PLCB4: variants seen among roughly 807,000 people sequenced by gnomAD.
PLCB4 encodes 1-phosphatidylinositol 4,5-bisphosphate phosphodiesterase beta-4.
A neutral mutation model predicts 178.8 loss-of-function variants in PLCB4; 77 were observed. The observed-to-expected ratio is 0.43, with a 90% confidence interval of 0.36 to 0.52. The LOEUF is 0.52. Among genes scored for constraint, PLCB4 ranks in the 20% least tolerant of loss-of-function variants. The pLI is 0.00. For missense variants in PLCB4, 1,024 were observed against 1,453.4 expected (o/e 0.70, Z 4.80); for synonymous variants, 496 against 490.8 (o/e 1.01, Z -0.14).
Position 9,423,790 on chromosome 20 carries a change from G to A in PLCB4, c.2362G>A (p.Asp788Asn). ...DLAVLRIAVY[D>N]DNNKLIGQRI... ...GGCTGTCTTGAGAATAGCTGTGTAT[G>A]ATGATAACAACAAGCTGATTGGCCA... The change falls in exon 28 of 40, where the codon GAT becomes AAT. Residue 788 changes from aspartate to asparagine, a missense_variant. Physicochemically the swap from Asp to Asn is conservative, Grantham distance 23. Around this residue, in one of 7 missense-constraint regions of PLCB4, gnomAD observed 227 missense variants for 374.3 expected, o/e 0.61. Coordinates refer to ENST00000378473, the MANE Select transcript of PLCB4 (RefSeq NM_001377142.1). 1 of 1,613,968 alleles carries A rather than the reference G, an allele frequency of 6.2e-7. No homozygotes were observed. Among genetic ancestry groups the A allele is most frequent in the African/African-American group, 1.3e-5 (1 of 75,038 alleles).
rs1255867715 is a variant in PLCB4 at position 9,367,621 on chromosome 20, T to C, written c.503+2107T>C. On this transcript the variant is annotated intron_variant, in intron 9 of 39. Transcript: ENST00000378473. ...AATGTAGGTTGGATGTGTTTTTACA[T>C]GCCTTACTATCCTGCTTTTTCTTCC... Among the ~76,000 whole-genome samples the C allele has an allele frequency of 2.0e-4, 31 of 152,214 alleles. 1 individual carries two copies. Among genetic ancestry groups the C allele is most frequent in the Admixed American group, 2.0e-3 (31 of 15,278 alleles).
At chr20:9,455,395 T>C (rs2042996432) in intron 33 of PLCB4, among the ~76,000 whole-genome samples, 1 of 152,238 alleles carries the variant, frequency 6.6e-6, no homozygotes, top group Non-Finnish European at 1.5e-5. Flanking sequence ...AGTTTTCTGA[T>C]TCAATCAATC....
intron 7 of PLCB4, among the ~76,000 whole-genome samples, chr20:9,349,191 A>G (rs2148144961): frequency 6.6e-6 from 1 of 152,292 alleles, no homozygotes; most frequent in South Asian, 2.1e-4. Context: ...ATTCAGTGCC[A>G]TTTAGTACAT....
At chr20:9,466,037 C>G (rs1363403069) in intron 35 of PLCB4, among the ~76,000 whole-genome samples, 2 of 152,158 alleles carry the variant, frequency 1.3e-5, no homozygotes, top group Non-Finnish European at 2.9e-5. Context: ...TTAAACTATA[C>G]TACAAGGCTA....
chr20:9,308,207 A>G lies in PLCB4; in HGVS notation c.84+309A>G, dbSNP rs545185671. On this transcript the variant is annotated intron_variant, in intron 4 of 39. Transcript: ENST00000378473. ...AGTTTACAGATGGGTTTTATATAGT[A>G]ACAGTTTTTGCTTAATGCAGTGCTT... Among the ~76,000 whole-genome samples the G allele has an allele frequency of 2.8e-4, 43 of 152,316 alleles. No homozygotes were observed. In the South Asian group the frequency reaches 8.7e-3, roughly 31 times the overall value.
At chr20:9,310,393 A>G (rs527476542) in intron 4 of PLCB4, among the ~76,000 whole-genome samples, 18 of 152,312 alleles carry the variant, frequency 1.2e-4, no homozygotes, top group African/African-American at 3.6e-4. Flanking sequence ...GCAGGTAAAC[A>G]TAAAATTGTA....
chr20:9,131,118 A>T (rs984746117), intron 2 of PLCB4, among the ~76,000 whole-genome samples: 1 of 152,080 alleles, frequency 6.6e-6, no homozygotes, highest in African/African-American at 2.4e-5. Context: ...TCTGGGCCAG[A>T]TCTGCTCTGT....
intron 1 of PLCB4, among the ~76,000 whole-genome samples, chr20:9,072,751 G>A (rs912123351): frequency 1.4e-4 from 22 of 152,284 alleles, no homozygotes; most frequent in African/African-American, 5.3e-4. Flanking sequence ...GTTTCTAGAG[G>A]AGATGAAAGT....
At chr20:9,406,944 G>GT (rs1164720323) in intron 21 of PLCB4, among the ~76,000 whole-genome samples, 5 of 152,122 alleles carry the variant, frequency 3.3e-5, no homozygotes, top group African/African-American at 1.2e-4. Flanking sequence ...TTTTATTGTT[G>GT]TTTTTTCTAT....
intron 2 of PLCB4, among the ~76,000 whole-genome samples, chr20:9,133,459 G>C (rs967894370): frequency 1.1e-4 from 16 of 152,036 alleles, no homozygotes; most frequent in African/African-American, 3.9e-4. Context: ...CTAGAGTGGG[G>C]TTTCACCTTG....
intron 2 of PLCB4, among the ~76,000 whole-genome samples, chr20:9,101,137 G>C (rs903054849): frequency 6.6e-6 from 1 of 152,138 alleles, no homozygotes; most frequent in Admixed American, 6.5e-5. Flanking sequence ...AAGAAGTATG[G>C]TGTGAAGCAG....
chr20:9,294,409 A>T (rs1355239454), intron 3 of PLCB4, among the ~76,000 whole-genome samples: 1 of 152,040 alleles, frequency 6.6e-6, no homozygotes, highest in African/African-American at 2.4e-5. Flanking sequence ...AATGGTTGAG[A>T]AAATTACCAT....
rs115460099 is a variant in PLCB4 at position 9,371,655 on chromosome 20, C to G, written c.585+360C>G. Among the ~76,000 whole-genome samples, 955 of 152,302 alleles carry G rather than the reference C, an allele frequency of 6.3e-3. 8 individuals are homozygous for G. Among genetic ancestry groups the G allele is most frequent in the African/African-American group, 0.021 (867 of 41,560 alleles). On this transcript the variant is annotated intron_variant, in intron 10 of 39. Transcript: ENST00000378473. ...TTAGAGAAGCTCACCAACACTGCCTCAACCAGGCACAACATTAGCATGAAT... is the reference window on the plus strand; with the variant it reads ...TTAGAGAAGCTCACCAACACTGCCTGAACCAGGCACAACATTAGCATGAAT...
At chr20:9,127,638 T>TTATC (rs35789567) in intron 2 of PLCB4, among the ~76,000 whole-genome samples, 353 of 146,892 alleles carry the variant, frequency 2.4e-3, no homozygotes, top group African/African-American at 4.5e-3. Context: ...GGTGGTAAAA[T>TTATC]TATCTATCTA....
intron 2 of PLCB4, among the ~76,000 whole-genome samples, chr20:9,159,823 C>T (rs149260348): frequency 1.2e-3 from 178 of 152,268 alleles, no homozygotes; most frequent in African/African-American, 3.9e-3. Context: ...ATATTAAACA[C>T]TAATATTAAA....
chr20:9,177,946 A>G lies in PLCB4; in HGVS notation c.-78-39444A>G, dbSNP rs184393993. On this transcript the variant is annotated intron_variant, in intron 2 of 39. Transcript: ENST00000378473. ...TGTCCTATGGTATAAAAACATTCCAAGTGCTAAACAGAAAAACACCGTGTT... is the reference window on the plus strand; with the variant it reads ...TGTCCTATGGTATAAAAACATTCCAGGTGCTAAACAGAAAAACACCGTGTT... Among the ~76,000 whole-genome samples, 43 of 152,326 alleles carry G rather than the reference A, an allele frequency of 2.8e-4. 1 individual carries two copies. The East Asian group carries it at 7.9e-3, about 28-fold the overall frequency.
intron 3 of PLCB4, among the ~76,000 whole-genome samples, chr20:9,240,451 G>A (rs2094046330): frequency 6.6e-6 from 1 of 152,114 alleles, no homozygotes; most frequent in Non-Finnish European, 1.5e-5. Flanking sequence ...CTTCTGCCCA[G>A]TTTTCCCTTT....
At chr20:9,281,803 A>T (rs1008172232) in intron 3 of PLCB4, among the ~76,000 whole-genome samples, 1 of 151,980 alleles carries the variant, frequency 6.6e-6, no homozygotes, top group Non-Finnish European at 1.5e-5. Context: ...AAAAATTGGC[A>T]TTGAAGAATT....
chr20:9,274,224 A>G (rs1601554265), intron 3 of PLCB4, among the ~76,000 whole-genome samples: 1 of 152,116 alleles, frequency 6.6e-6, no homozygotes, highest in Non-Finnish European at 1.5e-5. Context: ...AAAGAAACAG[A>G]TGTACCTGAT....
Sources: allele counts gnomAD v4.1 joint callset (sites outside exome capture counted in the v4.1 genomes callset), GRCh38; gene constraint gnomAD v4.1.1; regional missense constraint gnomAD v4.1.1; transcripts MANE v1.5; gene names NCBI Gene and HGNC (gene_info 2026-07-23, HGNC 2026-07-21).